Variants in LDLRAD3 observed in about 807,000 individuals in gnomAD.
LDLRAD3 encodes low-density lipoprotein receptor class A domain-containing protein 3.
Under a neutral mutation model 29.4 loss-of-function variants are expected in LDLRAD3, and 20 were observed. The observed-to-expected ratio is 0.68, with a 90% CI of 0.48 to 0.99. LDLRAD3 has a LOEUF of 0.99. Ranked by LOEUF, LDLRAD3 falls within the 50% of genes least tolerant of loss-of-function variation. The pLI is 0.00. For synonymous variants in LDLRAD3, 157 were observed against 192.7 expected, an observed-to-expected ratio of 0.81 and a Z score of 1.53; for missense variants, 420 against 454.3, an observed-to-expected ratio of 0.92 and a Z score of 0.69.
chr11:36,109,983 C>T (rs1446840375), intron 4 of LDLRAD3: 3 of 152,138 alleles, frequency 2.0e-5, no homozygotes, highest in Admixed American at 2.0e-4. Flanking sequence ...CTTTTTTCCA[C>T]TTTTAATTTA....
At chr11:36,023,610 A>G (rs1185124452) in intron 1 of LDLRAD3, among the ~76,000 whole-genome samples, 1 of 152,170 alleles carries the variant, frequency 6.6e-6, no homozygotes, top group African/African-American at 2.4e-5. Flanking sequence ...CCCACTTATT[A>G]TTTTTAAATG....
intron 2 of LDLRAD3, among the ~76,000 whole-genome samples, chr11:36,053,619 A>G (rs1046392723): frequency 6.6e-6 from 1 of 152,232 alleles, no homozygotes; most frequent in Non-Finnish European, 1.5e-5. Flanking sequence ...CAGCAGCAAC[A>G]CTACTGTTCT....
At chr11:35,959,808 G>A (rs263083) in intron 1 of LDLRAD3, among the ~76,000 whole-genome samples, 73,987 of 151,810 alleles carry the variant, frequency 0.49, 18,907 homozygotes, top group East Asian at 0.74. Context: ...GTACACCTGT[G>A]GTCCCTGTAG....
At chr11:36,038,639 G>GT (rs967751968) in intron 2 of LDLRAD3, among the ~76,000 whole-genome samples, 11 of 152,244 alleles carry the variant, frequency 7.2e-5, no homozygotes, top group Admixed American at 1.3e-4. Flanking sequence ...GAGAGCAAAT[G>GT]TTTTTAAAAA....
At chr11:36,182,413 T>C (rs960019383) in intron 4 of LDLRAD3, among the ~76,000 whole-genome samples, 1 of 152,130 alleles carries the variant, frequency 6.6e-6, no homozygotes, top group African/African-American at 2.4e-5. Context: ...TATAGAGACT[T>C]AGAAAGTAGA....
At chr11:35,990,311 C>T (rs1457926790) in intron 1 of LDLRAD3, among the ~76,000 whole-genome samples, 3 of 152,188 alleles carry the variant, frequency 2.0e-5, no homozygotes, top group Non-Finnish European at 4.4e-5. Context: ...CTGGTTCCAT[C>T]TGGAGGCTCT....
At chr11:36,037,347 C>T (rs897846958) in intron 2 of LDLRAD3, among the ~76,000 whole-genome samples, 33 of 152,090 alleles carry the variant, frequency 2.2e-4, no homozygotes, top group African/African-American at 7.7e-4. Context: ...CGGAGTCTTG[C>T]TCTGTCACCC....
At chr11:35,977,787 G>A (rs1851493995) in intron 1 of LDLRAD3, among the ~76,000 whole-genome samples, 1 of 152,188 alleles carries the variant, frequency 6.6e-6, no homozygotes, top group South Asian at 2.1e-4. Context: ...GTCCTCACAT[G>A]GTGGGAGGGG....
intron 2 of LDLRAD3, 39 bp from the exon 3 acceptor site, chr11:36,081,614 C>A (rs767469929): frequency 1.2e-6 from 2 of 1,613,734 alleles, no homozygotes; most frequent in Admixed American, 1.7e-5. Flanking sequence ...CATCTGAGAA[C>A]ATCTCCTGAT....
chr11:36,055,139 C>A (rs963186014), intron 2 of LDLRAD3, among the ~76,000 whole-genome samples: 5 of 9,408 alleles, frequency 5.3e-4, no homozygotes, highest in Admixed American at 5.2e-3. Flanking sequence ...CACACACACA[C>A]ACACACACAC....
intron 4 of LDLRAD3, among the ~76,000 whole-genome samples, chr11:36,156,454 G>C (rs1299846536): frequency 1.3e-5 from 2 of 152,232 alleles, no homozygotes; most frequent in Non-Finnish European, 2.9e-5. Context: ...CCACCCATTT[G>C]CCATTGTTAG....
At chr11:35,996,607 T>C (rs1036642496) in intron 1 of LDLRAD3, among the ~76,000 whole-genome samples, 2 of 152,150 alleles carry the variant, frequency 1.3e-5, no homozygotes, top group Non-Finnish European at 2.9e-5. Flanking sequence ...ATAATACTTA[T>C]GAAGCTCAAT....
chr11:36,031,865 G>A (rs180756914), intron 1 of LDLRAD3, among the ~76,000 whole-genome samples: 272 of 152,308 alleles, frequency 1.8e-3, no homozygotes, highest in African/African-American at 6.0e-3. Flanking sequence ...AGTTACTTCT[G>A]CACCAACCTA....
chr11:36,152,644 C>T (rs1426331476), intron 4 of LDLRAD3, among the ~76,000 whole-genome samples: 1 of 152,192 alleles, frequency 6.6e-6, no homozygotes, highest in Non-Finnish European at 1.5e-5. Context: ...GCTTCCAACT[C>T]CCTTTGGCCA....
chr11:36,221,378 AAG>A (rs1855424468), intron 4 of LDLRAD3, among the ~76,000 whole-genome samples: 1 of 151,938 alleles, frequency 6.6e-6, no homozygotes, highest in Non-Finnish European at 1.5e-5. Flanking sequence ...AAAAAAAAAA[AAG>A]AGGTCAGGCT....
intron 1 of LDLRAD3, among the ~76,000 whole-genome samples, chr11:35,960,068 A>G (rs1283563603): frequency 6.6e-6 from 1 of 152,186 alleles, no homozygotes; most frequent in Non-Finnish European, 1.5e-5. Context: ...GTCTTTTGCT[A>G]CTGATGTGCA....
chr11:36,011,514 A>C (rs1265673342), intron 1 of LDLRAD3, among the ~76,000 whole-genome samples: 1 of 152,160 alleles, frequency 6.6e-6, no homozygotes, highest in Non-Finnish European at 1.5e-5. Context: ...GTGGTCCTTC[A>C]ACACTTCAGA....
chr11:36,218,955 T>C (rs976405935), intron 4 of LDLRAD3, among the ~76,000 whole-genome samples: 1 of 151,962 alleles, frequency 6.6e-6, no homozygotes, highest in Non-Finnish European at 1.5e-5. Flanking sequence ...AGTATCCATA[T>C]AACATGAAGA....
intron 1 of LDLRAD3, among the ~76,000 whole-genome samples, chr11:35,999,468 G>A (rs1220796293): frequency 1.3e-5 from 2 of 152,122 alleles, no homozygotes; most frequent in East Asian, 1.9e-4. Flanking sequence ...CTCCAGAACC[G>A]AGCCTGCCCC....
Sources: gnomAD v4.1 joint callset for allele counts (sites outside exome capture counted in the v4.1 genomes callset) on GRCh38, gnomAD v4.1.1 for gene constraint, MANE v1.5 for transcripts, NCBI Gene and HGNC (gene_info 2026-07-23, HGNC 2026-07-21) for gene names.